The following IL1RAPL2 variants were observed in gnomAD, a reference collection of about 807,000 sequenced individuals.
IL1RAPL2 encodes the protein interleukin 1 receptor accessory protein like 2, also known as X-linked interleukin-1 receptor accessory protein-like 2.
Under a neutral mutation model 44.1 loss-of-function variants are expected in IL1RAPL2, and 3 were observed. That is an observed-to-expected ratio of 0.07 (90% CI 0.03 to 0.18). The LOEUF (loss-of-function observed/expected upper bound fraction) is 0.18. IL1RAPL2 is among the 10% of genes least tolerant of loss of function. The pLI is 1.00. For missense variants in IL1RAPL2, 391 were observed against 496.4 expected (o/e 0.79, Z 2.02); for synonymous variants, 181 against 178.8 (o/e 1.01, Z -0.10).
intron 1 of IL1RAPL2, among the ~76,000 whole-genome samples, chrX:104,603,401 A>G (rs1031063179): frequency 1.8e-5 from 2 of 111,937 alleles, no homozygotes; most frequent in African/African-American, 3.2e-5. Flanking sequence ...CTTCTCCTCC[A>G]AAGGATCACA....
intron 2 of IL1RAPL2, among the ~76,000 whole-genome samples, chrX:104,968,145 A>G: frequency 8.9e-6 from 1 of 112,112 alleles, no homozygotes; most frequent in Middle Eastern, 4.6e-3. Flanking sequence ...TAATTCAAGT[A>G]TTAGTAGACT....
At chrX:104,862,012 G>A (rs1207347224) in intron 2 of IL1RAPL2, among the ~76,000 whole-genome samples, 1 of 110,415 alleles carries the variant, frequency 9.1e-6, no homozygotes, top group Non-Finnish European at 1.9e-5. Flanking sequence ...GCAGACAAAC[G>A]GAAGGGGGAG....
rs201632496 is a variant in IL1RAPL2, at chrX:105,514,936, G to GA, written c.772+30557dup. ...GGGTTGAAAAGGGGAGCTGAGAGAGGAAAAAAAACAACAAAAAACATTAAA... is the reference window on the plus strand; with the variant it reads ...GGGTTGAAAAGGGGAGCTGAGAGAGGAAAAAAAAACAACAAAAAACATTAAA... On this transcript the variant is annotated intron_variant, in intron 6 of 10. Transcript: ENST00000372582. Among the ~76,000 whole-genome samples the GA allele has an allele frequency of 5.7e-3, 632 of 110,628 alleles. 5 individuals are homozygous for GA. The highest frequency in any genetic ancestry group is 0.019 in the African/African-American group (584 of 30,417).
chrX:105,761,220 TACAC>T (rs113089380), intron 10 of IL1RAPL2, among the ~76,000 whole-genome samples: 4,417 of 84,061 alleles, frequency 0.053, 200 homozygotes, highest in African/African-American at 0.13. Context: ...ACTCTTCCTA[TACAC>T]ACACACACAC....
At chrX:105,651,582 C>T (rs2037642619) in intron 6 of IL1RAPL2, among the ~76,000 whole-genome samples, 1 of 111,274 alleles carries the variant, frequency 9.0e-6, no homozygotes, top group African/African-American at 3.3e-5. Flanking sequence ...GCACTATGTC[C>T]CCCAAGGTGC....
intron 2 of IL1RAPL2, among the ~76,000 whole-genome samples, chrX:105,034,093 C>T (rs1003558961): frequency 1.8e-5 from 2 of 111,870 alleles, no homozygotes; most frequent in Non-Finnish European, 3.8e-5. Flanking sequence ...TTAAGGACTT[C>T]TCTGCATTGG....
intron 5 of IL1RAPL2, among the ~76,000 whole-genome samples, chrX:105,415,648 C>A (rs770415146): frequency 5.4e-5 from 6 of 111,382 alleles, no homozygotes; most frequent in Non-Finnish European, 9.4e-5. Flanking sequence ...CTTAAATGAT[C>A]TTAAAGTAAA....
chrX:105,753,491 C>T (rs183468291), intron 9 of IL1RAPL2, among the ~76,000 whole-genome samples: 7 of 111,338 alleles, frequency 6.3e-5, no homozygotes, highest in African/African-American at 2.3e-4. Context: ...ATCGGCAGCC[C>T]TGAGTCCCAG....
intron 2 of IL1RAPL2, among the ~76,000 whole-genome samples, chrX:105,028,558 C>G (rs950779682): frequency 1.8e-5 from 2 of 111,150 alleles, no homozygotes; most frequent in African/African-American, 6.5e-5. Context: ...AACATTCAAC[C>G]TGTACATGCA....
chrX:105,683,260 A>G (rs193301882), intron 6 of IL1RAPL2, among the ~76,000 whole-genome samples: 7 of 111,996 alleles, frequency 6.3e-5, no homozygotes, highest in East Asian at 2.8e-4. Context: ...AACTCTGCTA[A>G]GGTTTTTAAC....
chrX:104,650,162 C>A (rs1035667761), intron 1 of IL1RAPL2, among the ~76,000 whole-genome samples: 2 of 111,177 alleles, frequency 1.8e-5, no homozygotes, highest in African/African-American at 3.3e-5. Context: ...GGAATATGAA[C>A]TTCAGAAATA....
At chrX:105,392,358 C>T (rs2035532111) in intron 5 of IL1RAPL2, among the ~76,000 whole-genome samples, 1 of 109,751 alleles carries the variant, frequency 9.1e-6, no homozygotes, top group Non-Finnish European at 1.9e-5. Flanking sequence ...GTTACTCTTC[C>T]CTCCTAAGCA....
At chrX:104,752,955 T>C (rs1253093378) in intron 2 of IL1RAPL2, among the ~76,000 whole-genome samples, 2 of 109,992 alleles carry the variant, frequency 1.8e-5, no homozygotes, top group African/African-American at 6.6e-5. Context: ...TTTGCTCATG[T>C]GCCCTGTATA....
chrX:104,793,570 T>A (rs1932836097), intron 2 of IL1RAPL2, among the ~76,000 whole-genome samples: 2 of 111,888 alleles, frequency 1.8e-5, no homozygotes, highest in South Asian at 7.5e-4. Flanking sequence ...TGGAAGCAAA[T>A]TAATTGCTAT....
At chrX:105,019,218 T>A (rs1411411022) in intron 2 of IL1RAPL2, among the ~76,000 whole-genome samples, 1 of 112,033 alleles carries the variant, frequency 8.9e-6, no homozygotes, top group Non-Finnish European at 1.9e-5. Context: ...TTTAGTAGCA[T>A]GTTTTGCTTT....
intron 6 of IL1RAPL2, among the ~76,000 whole-genome samples, chrX:105,616,140 T>C (rs1334014479): frequency 1.8e-5 from 2 of 111,912 alleles, no homozygotes; most frequent in Non-Finnish European, 3.8e-5. Flanking sequence ...AAGAAATACA[T>C]ACTAAAGTCT....
chrX:105,295,443 G>T (rs780847283), intron 5 of IL1RAPL2, among the ~76,000 whole-genome samples: 18 of 111,715 alleles, frequency 1.6e-4, no homozygotes, highest in African/African-American at 5.8e-4. Flanking sequence ...ATTAGCTCTT[G>T]GTAGATGATT....
At chrX:105,333,725 C>CA (rs199541756) in intron 5 of IL1RAPL2, among the ~76,000 whole-genome samples, 2 of 111,268 alleles carry the variant, frequency 1.8e-5, no homozygotes, top group East Asian at 2.8e-4. Context: ...AGACATTTCT[C>CA]AAAAAAAGAC....
intron 2 of IL1RAPL2, among the ~76,000 whole-genome samples, chrX:105,055,620 C>T (rs1219688921): frequency 1.8e-5 from 2 of 112,104 alleles, no homozygotes; most frequent in East Asian, 5.6e-4. Context: ...ATCCCATTGG[C>T]TATTTTATGA....
Sources: allele counts gnomAD v4.1 joint callset (sites outside exome capture counted in the v4.1 genomes callset), GRCh38; gene constraint gnomAD v4.1.1; transcripts MANE v1.5; gene names NCBI Gene and HGNC (gene_info 2026-07-23, HGNC 2026-07-21).